COL4A5: variants seen among roughly 807,000 people sequenced by gnomAD.
COL4A5 encodes collagen type IV alpha 5 chain.
A neutral mutation model predicts 130.2 loss-of-function variants in COL4A5; 26 were observed. That is an observed-to-expected ratio of 0.20 (90% CI 0.15 to 0.28). COL4A5 has a LOEUF of 0.28. Ranked by LOEUF, COL4A5 falls within the 10% of genes least tolerant of loss-of-function variation. The pLI is 1.00. For missense variants in COL4A5, 1,131 were observed against 1,344.3 expected, an observed-to-expected ratio of 0.84 and a Z score of 2.48; for synonymous variants, 496 against 439.6, an observed-to-expected ratio of 1.13 and a Z score of -1.60.
chrX:108,695,980 C>T (rs1220725394), intron 52 of COL4A5: 2 of 264,677 alleles, frequency 7.6e-6, no homozygotes, highest in East Asian at 8.0e-5. Flanking sequence ...ATAACATCAT[C>T]AGTTGCCCAG....
At chrX:108,641,456 G>T (rs746705351) in intron 36 of COL4A5, among the ~76,000 whole-genome samples, 2 of 111,926 alleles carry the variant, frequency 1.8e-5, no homozygotes, top group South Asian at 7.6e-4. Flanking sequence ...TGTGAATTTA[G>T]TTCCAGATCA....
At chrX:108,479,741 G>A (rs187512451) in intron 1 of COL4A5, among the ~76,000 whole-genome samples, 331 of 111,848 alleles carry the variant, frequency 3.0e-3, no homozygotes, top group African/African-American at 0.01. Flanking sequence ...ATGGATTGCT[G>A]CTGTGCATGA....
intron 3 of COL4A5, among the ~76,000 whole-genome samples, chrX:108,562,617 A>T (rs1057125598): frequency 9.0e-6 from 1 of 111,602 alleles, no homozygotes; most frequent in Non-Finnish European, 1.9e-5. Context: ...CTAAACTTTC[A>T]GGATTCTGAA....
At chrX:108,467,641 A>G (rs2064719702) in intron 1 of COL4A5, among the ~76,000 whole-genome samples, 1 of 111,625 alleles carries the variant, frequency 9.0e-6, no homozygotes, top group Non-Finnish European at 1.9e-5. Context: ...ACAAGATGCC[A>G]TTCATTCATT....
chrX:108,591,142 C>T lies in COL4A5; in HGVS notation c.1250C>T (p.Ser417Phe). The T allele has an allele frequency of 8.3e-7, 1 of 1,209,262 alleles. No individual in the cohort carries two copies. The highest frequency in any genetic ancestry group is 1.1e-6 in the Non-Finnish European group (1 of 894,126). ...QKGDEGPPGI[S>F]IPGPPGLDGQ... Reference sequence around the variant, plus strand: ...GGTGATGAAGGACCACCTGGAATTTCCATTCCTGGACCTCCTGGACTTGAC... The same window carrying T: ...GGTGATGAAGGACCACCTGGAATTTTCATTCCTGGACCTCCTGGACTTGAC... The change falls in exon 20 of 53, where the codon TCC becomes TTC. Residue 417 changes from serine (S) to phenylalanine (F), a missense_variant. Physicochemically the swap from Ser to Phe is radical, Grantham distance 155 (BLOSUM62 -2). Coordinates refer to ENST00000328300, the MANE Select transcript of COL4A5 (RefSeq NM_033380.3).
chrX:108,519,986 C>G (rs1212686524), intron 1 of COL4A5, among the ~76,000 whole-genome samples: 1 of 111,779 alleles, frequency 8.9e-6, no homozygotes, highest in Non-Finnish European at 1.9e-5. Context: ...CTGTGAATAA[C>G]ATTTTTGTTT....
intron 1 of COL4A5, among the ~76,000 whole-genome samples, chrX:108,515,005 G>T (rs752185986): frequency 3.0e-3 from 341 of 111,956 alleles, no homozygotes; most frequent in Non-Finnish European, 4.9e-3. Context: ...TGGGAATCCT[G>T]TGTATAAGAT....
At chrX:108,627,710 T>C (rs1267983167) in intron 36 of COL4A5, 10 of 367,696 alleles carry the variant, frequency 2.7e-5, no homozygotes, top group Non-Finnish European at 3.5e-5. Context: ...AAATAAAAAG[T>C]CTCCTTTTTA....
At position 108,531,402 on chromosome X, in the gene COL4A5, T is replaced by A. The variant is rs981581109; in HGVS notation, c.82-8344T>A. Among the ~76,000 whole-genome samples, 23 of 85,125 alleles carry A rather than the reference T, an allele frequency of 2.7e-4. 1 individual carries two copies. Among genetic ancestry groups the A allele is most frequent in the African/African-American group, 9.4e-4 (22 of 23,313 alleles). 73.9% of individuals were successfully genotyped at this position (85,125 alleles called of 115,157 possible). The stretch of plus-strand genomic sequence containing the variant: ...ATAAAAAATAAAATAAATAAATAAA[T>A]AAAAATTTATTGAAATGAAAATGTA... On this transcript the variant is annotated intron_variant, in intron 1 of 52. Transcript: ENST00000328300.
At chrX:108,592,838 G>A (rs778424277) in intron 21 of COL4A5, among the ~76,000 whole-genome samples, 6 of 109,240 alleles carry the variant, frequency 5.5e-5, no homozygotes, top group African/African-American at 1.3e-4. Flanking sequence ...CAGGACCCTG[G>A]AAGACTCTTG....
At chrX:108,511,182 A>T (rs2065176990) in intron 1 of COL4A5, among the ~76,000 whole-genome samples, 2 of 111,693 alleles carry the variant, frequency 1.8e-5, no homozygotes, top group South Asian at 7.5e-4. Flanking sequence ...TTTTAAGCAT[A>T]AAGTTGAAAG....
chrX:108,629,050 GA>G (rs1341852853), intron 36 of COL4A5, among the ~76,000 whole-genome samples: 1 of 111,974 alleles, frequency 8.9e-6, no homozygotes, highest in Non-Finnish European at 1.9e-5. Flanking sequence ...AAGTCTCTCT[GA>G]TAAGATAGAG....
intron 49 of COL4A5, among the ~76,000 whole-genome samples, chrX:108,688,725 G>A (rs1344858863): frequency 1.8e-5 from 2 of 111,624 alleles, no homozygotes; most frequent in Non-Finnish European, 1.9e-5. Flanking sequence ...GTGAGCCACC[G>A]CACCTGGCAG....
intron 2 of COL4A5, among the ~76,000 whole-genome samples, chrX:108,551,299 A>AAAAT (rs940820018): frequency 4.5e-5 from 5 of 111,423 alleles, no homozygotes; most frequent in South Asian, 3.7e-4. Context: ...ATTCAGCAAG[A>AAAAT]AAATAAATAA....
chrX:108,491,161 A>G (rs1162693544), intron 1 of COL4A5, among the ~76,000 whole-genome samples: 3 of 111,249 alleles, frequency 2.7e-5, no homozygotes, highest in African/African-American at 9.8e-5. Flanking sequence ...AGTGTCTTGG[A>G]GCTATTTGGA....
chrX:108,444,101 C>A (rs2064428641), intron 1 of COL4A5, among the ~76,000 whole-genome samples: 1 of 111,254 alleles, frequency 9.0e-6, no homozygotes, highest in African/African-American at 3.3e-5. Context: ...TTGCTGAAAC[C>A]CAGATTTGGC....
chrX:108,621,639 A>C (rs1421939617), intron 31 of COL4A5, among the ~76,000 whole-genome samples, 164 bp from the exon 32 acceptor site: 1 of 111,775 alleles, frequency 8.9e-6, no homozygotes, highest in East Asian at 2.8e-4. Flanking sequence ...GAGTCTCCTT[A>C]TTCATGGGTA....
chrX:108,621,239 C>CA (rs2067042998), intron 31 of COL4A5, among the ~76,000 whole-genome samples: 1 of 106,672 alleles, frequency 9.4e-6, no homozygotes, highest in Non-Finnish European at 1.9e-5. Flanking sequence ...ACTGCAGCCT[C>CA]AAACCCCTGG....
intron 1 of COL4A5, among the ~76,000 whole-genome samples, chrX:108,473,633 A>ATATATACATATATATATATT: frequency 8.7e-5 from 3 of 34,567 alleles, no homozygotes; most frequent in Non-Finnish European, 1.8e-4. Flanking sequence ...ATATATATAT[A>ATATATACATATATATATATT]TTTTTTTTTT....
Sources: gnomAD v4.1 joint callset for allele counts (sites outside exome capture counted in the v4.1 genomes callset) on GRCh38, gnomAD v4.1.1 for gene constraint, MANE v1.5 for transcripts, NCBI Gene and HGNC (gene_info 2026-07-23, HGNC 2026-07-21) for gene names.